NXPE2: variants seen among roughly 807,000 people sequenced by gnomAD.
The protein encoded by NXPE2 is neurexophilin and PC-esterase domain family member 2.
A neutral mutation model predicts 34.4 loss-of-function variants in NXPE2; 34 were observed. The observed-to-expected ratio is 0.99, with a 90% CI of 0.75 to 1.31. The LOEUF is 1.31. NXPE2 is among the 40% of genes most tolerant of loss of function. The pLI, the probability that NXPE2 is intolerant of heterozygous loss-of-function variation, is 0.00. For missense variants in NXPE2, 649 were observed against 672.5 expected, an observed-to-expected ratio of 0.97 and a Z score of 0.39; for synonymous variants, 235 against 231.3, an observed-to-expected ratio of 1.02 and a Z score of -0.15.
At chr11:114,677,190 G>C (rs1233497189), upstream of NXPE2, among the ~76,000 whole-genome samples, 1 of 152,040 alleles carries the variant, frequency 6.6e-6, no homozygotes, top group Non-Finnish European at 1.5e-5. Context: ...ATAAGTTCTA[G>C]AGATTTATTG....
At chr11:114,597,115 GA>G in the NXPE2 span, among the ~76,000 whole-genome samples, 101,669 of 151,890 alleles carry the variant, frequency 0.67, 34,296 homozygotes, top group African/African-American at 0.75. Flanking sequence ...TTACTTGAAG[GA>G]TAGACTCTGA....
At chr11:114,490,900 C>T in the NXPE2 span, among the ~76,000 whole-genome samples, 6 of 152,054 alleles carry the variant, frequency 3.9e-5, no homozygotes, top group East Asian at 1.9e-4. Context: ...CGGTGGCTCA[C>T]GCCTGTAATC....
At chr11:114,798,504 C>A in the NXPE2 span, among the ~76,000 whole-genome samples, 1,584 of 152,256 alleles carry the variant, frequency 0.01, 22 homozygotes, top group African/African-American at 0.035. Flanking sequence ...CTGCCTCAGC[C>A]TCCTCAGTAG....
chr11:114,486,100 A>T, the NXPE2 span, among the ~76,000 whole-genome samples: 9 of 152,202 alleles, frequency 5.9e-5, no homozygotes, highest in Non-Finnish European at 1.3e-4. Context: ...ACTAATTTAC[A>T]TTCCCACCAA....
chr11:114,496,968 C>T, the NXPE2 span, among the ~76,000 whole-genome samples: 10 of 152,114 alleles, frequency 6.6e-5, no homozygotes, highest in Middle Eastern at 3.4e-3. Context: ...TGATAATAAA[C>T]GATTATGTTA....
chr11:114,742,539 C>T, the NXPE2 span, among the ~76,000 whole-genome samples: 26 of 152,106 alleles, frequency 1.7e-4, no homozygotes, highest in Non-Finnish European at 1.9e-4. Context: ...CTCTTTTTGG[C>T]ACTGAACTAT....
At chr11:114,685,079 G>T (rs1001802133) in intron 2 of NXPE2, among the ~76,000 whole-genome samples, 62 of 152,142 alleles carry the variant, frequency 4.1e-4, no homozygotes, top group African/African-American at 1.4e-3. Context: ...ATTGGTGATA[G>T]TTGGTCAGAT....
chr11:114,704,161 G>A (rs1951428336), intron 4 of NXPE2, 109 bp downstream of exon 4: 3 of 779,908 alleles, frequency 3.8e-6, no homozygotes, highest in African/African-American at 1.8e-5. Context: ...TCATTTCCTG[G>A]GACAAATTAC....
chr11:114,635,469 G>C, the NXPE2 span, among the ~76,000 whole-genome samples: 7 of 151,774 alleles, frequency 4.6e-5, no homozygotes, highest in Admixed American at 6.6e-5. Flanking sequence ...CTTCTCCTGC[G>C]TAATTGCCCT....
At chr11:114,703,844 C>T (rs950215437) in intron 3 of NXPE2, 147 bp from the exon 4 acceptor site, 8 of 626,016 alleles carry the variant, frequency 1.3e-5, no homozygotes, top group Admixed American at 2.7e-5. Flanking sequence ...GAATCCTGAC[C>T]CATTAACTTC....
intron 3 of NXPE2, among the ~76,000 whole-genome samples, chr11:114,703,488 G>A (rs1445890285): frequency 6.6e-6 from 1 of 152,182 alleles, no homozygotes; most frequent in African/African-American, 2.4e-5. Context: ...GTGAGGCTCA[G>A]CAATTGGAGT....
the NXPE2 span, among the ~76,000 whole-genome samples, chr11:114,533,647 C>G: frequency 5.4e-3 from 830 of 152,362 alleles, 6 homozygotes; most frequent in African/African-American, 0.019. Context: ...TATCCCGCAC[C>G]TGGCTCAGAG....
the NXPE2 span, among the ~76,000 whole-genome samples, chr11:114,617,421 C>T: frequency 6.6e-6 from 1 of 151,726 alleles, no homozygotes; most frequent in Admixed American, 6.6e-5. Flanking sequence ...ACCACTGTTA[C>T]CGGGTGGATA....
chr11:114,479,212 T>C, the NXPE2 span, among the ~76,000 whole-genome samples: 1 of 152,188 alleles, frequency 6.6e-6, no homozygotes, highest in Non-Finnish European at 1.5e-5. Flanking sequence ...GTCCCAATAC[T>C]TTCCTTTGGA....
the NXPE2 span, among the ~76,000 whole-genome samples, chr11:114,542,076 A>AT: frequency 1.5e-4 from 23 of 152,118 alleles, no homozygotes; most frequent in Admixed American, 1.4e-3. Flanking sequence ...GTATGTTGAG[A>AT]TTTTTTGCTA....
chr11:114,804,657 T>C, the NXPE2 span, among the ~76,000 whole-genome samples: 23 of 152,360 alleles, frequency 1.5e-4, no homozygotes, highest in East Asian at 4.4e-3. Flanking sequence ...TTTGTCTACA[T>C]AGTAGAATCA....
At chr11:114,521,838 C>G in the NXPE2 span, 1 of 695,740 alleles carries the variant, frequency 1.4e-6, no homozygotes, top group South Asian at 2.1e-5. Flanking sequence ...CCTTACATAG[C>G]CTTCCTCCCC....
chr11:114,645,379 C>T, the NXPE2 span, among the ~76,000 whole-genome samples: 1 of 152,012 alleles, frequency 6.6e-6, no homozygotes, highest in African/African-American at 2.4e-5. Flanking sequence ...TCTGCAAATT[C>T]CAGGTAGATT....
the NXPE2 span, chr11:114,530,475 A>G: frequency 1.2e-6 from 2 of 1,614,216 alleles, no homozygotes; most frequent in Non-Finnish European, 1.7e-6. Flanking sequence ...CAGCAGAGAC[A>G]GGGAGACCTG....
Sources: allele counts gnomAD v4.1 joint callset (sites outside exome capture counted in the v4.1 genomes callset), GRCh38; gene constraint gnomAD v4.1.1; transcripts MANE v1.5; gene names NCBI Gene and HGNC (gene_info 2026-07-23, HGNC 2026-07-21).